Variants in RIMS2 observed in about 807,000 individuals in gnomAD.
RIMS2 encodes regulating synaptic membrane exocytosis protein 2.
Under a neutral mutation model 174.4 loss-of-function variants are expected in RIMS2, and 59 were observed. The observed-to-expected ratio is 0.34, with a 90% confidence interval of 0.27 to 0.42. The LOEUF (loss-of-function observed/expected upper bound fraction) is 0.42. Among genes scored for constraint, RIMS2 ranks in the 10% least tolerant of loss-of-function variants. The probability of loss-of-function intolerance (pLI) is 1.00; values close to 1 mark genes in which losing one functional copy is unlikely to be tolerated. For missense variants in RIMS2, 1,620 were observed against 1,666.3 expected, an observed-to-expected ratio of 0.97 and a Z score of 0.48; for synonymous variants, 606 against 572.5, an observed-to-expected ratio of 1.06 and a Z score of -0.84.
chr8:103,722,602 G>A (rs1348795312), intron 2 of RIMS2, among the ~76,000 whole-genome samples: 18 of 152,138 alleles, frequency 1.2e-4, no homozygotes, highest in Non-Finnish European at 7.3e-5. Flanking sequence ...AATGCAAGGC[G>A]GGGAGCTGCT....
chr8:103,687,310 G>A (rs1345422189), intron 1 of RIMS2, among the ~76,000 whole-genome samples: 1 of 151,372 alleles, frequency 6.6e-6, no homozygotes, highest in Admixed American at 6.6e-5. Flanking sequence ...CTTGCTGTAG[G>A]TAATTTGTGT....
At chr8:104,016,560 A>G (rs940457491) in intron 19 of RIMS2, among the ~76,000 whole-genome samples, 2 of 152,012 alleles carry the variant, frequency 1.3e-5, no homozygotes, top group African/African-American at 4.8e-5. Flanking sequence ...CAGCATTTTT[A>G]TAGTTCTTAA....
chr8:103,526,378 A>C (rs1833986665), intron 1 of RIMS2, among the ~76,000 whole-genome samples: 1 of 152,178 alleles, frequency 6.6e-6, no homozygotes, highest in East Asian at 1.9e-4. Context: ...GCCTCAAATA[A>C]TTTCTACAGT....
At chr8:103,885,935 C>T (rs2099198447) in exon 4 of RIMS2, 1 of 1,613,006 alleles carries the variant, frequency 6.2e-7, no homozygotes, top group East Asian at 2.2e-5. Context: ...CATAGATAGA[C>T]CAGACTTGAG....
At chr8:103,526,951 C>T (rs1456313825) in intron 1 of RIMS2, among the ~76,000 whole-genome samples, 1 of 152,096 alleles carries the variant, frequency 6.6e-6, no homozygotes, top group Non-Finnish European at 1.5e-5. Flanking sequence ...AAAACCATAG[C>T]TAGGCATATC....
chr8:103,523,956 G>A (rs1275880692), intron 1 of RIMS2, among the ~76,000 whole-genome samples: 1 of 151,998 alleles, frequency 6.6e-6, no homozygotes, highest in Non-Finnish European at 1.5e-5. Flanking sequence ...CTTGCCTTTA[G>A]TCTTCAAAAC....
At chr8:104,234,869 G>A (rs2099250477) in intron 19 of RIMS2, among the ~76,000 whole-genome samples, 1 of 152,096 alleles carries the variant, frequency 6.6e-6, no homozygotes, top group Non-Finnish European at 1.5e-5. Flanking sequence ...AACTCCACAT[G>A]TTGGCAAATC....
chr8:104,253,893 G>A (rs548803347), downstream of RIMS2: 1 of 152,040 alleles, frequency 6.6e-6, no homozygotes, highest in Non-Finnish European at 1.5e-5. Context: ...TTTTTATGTG[G>A]TGCAATATGA....
chr8:104,064,131 T>C (rs1285140326), intron 19 of RIMS2, among the ~76,000 whole-genome samples: 1 of 152,196 alleles, frequency 6.6e-6, no homozygotes, highest in East Asian at 1.9e-4. Context: ...GCTTTATCAA[T>C]ATAACTTTAA....
intron 19 of RIMS2, among the ~76,000 whole-genome samples, chr8:104,141,260 A>G (rs1412834894): frequency 6.6e-6 from 1 of 152,202 alleles, no homozygotes; most frequent in Non-Finnish European, 1.5e-5. Flanking sequence ...ACTTCCTTCA[A>G]ACTCATGGTG....
chr8:103,597,067 G>C (rs1199481309), intron 1 of RIMS2, among the ~76,000 whole-genome samples: 1 of 152,060 alleles, frequency 6.6e-6, no homozygotes, highest in Non-Finnish European at 1.5e-5. Flanking sequence ...AATTAAATTT[G>C]ATTCTAAATT....
chr8:103,568,796 T>C, intron 1 of RIMS2: 2 of 1,142,706 alleles, frequency 1.8e-6, no homozygotes, highest in South Asian at 2.4e-5. Flanking sequence ...TTGCTGTTTG[T>C]GCAATCAGTG....
rs548841620 is a variant in RIMS2, at chr8:103,632,513, C to T, written c.177-64573C>T. 2.3e-4 allele frequency among the ~76,000 whole-genome samples: 34 copies of T among 150,888 alleles called. 1 individual carries two copies. In the South Asian group the frequency reaches 2.7e-3, roughly 12 times the overall value. ...TCGGCTCACTGCAGCCTCTGCCACC[C>T]GGGTTCAAGCGATTCTCCTGCCTCA... On this transcript the variant is annotated intron_variant, in intron 1 of 23. Transcript: ENST00000504942.
chr8:103,732,449 TATC>T (rs1241878123), intron 2 of RIMS2, among the ~76,000 whole-genome samples: 2 of 152,114 alleles, frequency 1.3e-5, no homozygotes, highest in Admixed American at 6.5e-5. Context: ...CTGGTGAACA[TATC>T]ATCTATGTTC....
chr8:103,954,772 C>G (rs548541952), intron 14 of RIMS2, among the ~76,000 whole-genome samples: 1 of 151,960 alleles, frequency 6.6e-6, no homozygotes, highest in African/African-American at 2.4e-5. Context: ...CTGAAGGAGA[C>G]AGAGACACGA....
chr8:104,059,162 T>C (rs557239828), intron 19 of RIMS2, among the ~76,000 whole-genome samples: 8 of 151,580 alleles, frequency 5.3e-5, no homozygotes, highest in African/African-American at 1.9e-4. Context: ...CCTTGGGCAG[T>C]ATGGCCATTT....
At chr8:103,708,105 C>A (rs897602287) in intron 2 of RIMS2, among the ~76,000 whole-genome samples, 5 of 152,206 alleles carry the variant, frequency 3.3e-5, no homozygotes, top group South Asian at 2.1e-4. Context: ...TGCTGGGTTG[C>A]ACTTGGAGTA....
chr8:104,112,775 C>T (rs2098212413), intron 19 of RIMS2, among the ~76,000 whole-genome samples: 1 of 152,158 alleles, frequency 6.6e-6, no homozygotes, highest in African/African-American at 2.4e-5. Flanking sequence ...TCCCCAGTGC[C>T]TAGAACACTG....
At chr8:104,120,407 CT>C (rs2098355278) in intron 19 of RIMS2, among the ~76,000 whole-genome samples, 1 of 152,088 alleles carries the variant, frequency 6.6e-6, no homozygotes, top group South Asian at 2.1e-4. Flanking sequence ...GTCTAGTAAC[CT>C]TTTCCTCTGT....
Sources: gnomAD v4.1 joint callset for allele counts (sites outside exome capture counted in the v4.1 genomes callset) on GRCh38, gnomAD v4.1.1 for gene constraint, MANE v1.5 for transcripts, NCBI Gene and HGNC (gene_info 2026-07-23, HGNC 2026-07-21) for gene names.